The following CDH4 variants were observed in gnomAD, a reference collection of about 807,000 sequenced individuals.
The protein encoded by CDH4 is cadherin 4.
Under a neutral mutation model 86.0 loss-of-function variants are expected in CDH4, and 33 were observed. That is an observed-to-expected ratio of 0.38 (90% CI 0.29 to 0.51). The LOEUF is 0.51. CDH4 is among the 20% of genes least tolerant of loss of function. The probability of loss-of-function intolerance (pLI) is 0.86; values close to 1 mark genes in which losing one functional copy is unlikely to be tolerated. For synonymous variants in CDH4, 555 were observed against 549.4 expected (o/e 1.01, Z -0.14); for missense variants, 1,114 against 1,307.4 (o/e 0.85, Z 2.28).
At chr20:61,615,986 C>G (rs1032298074) in intron 2 of CDH4, among the ~76,000 whole-genome samples, 1 of 152,338 alleles carries the variant, frequency 6.6e-6, no homozygotes, top group African/African-American at 2.4e-5. Flanking sequence ...GAAGGCCACG[C>G]GATGGCCACG....
intron 2 of CDH4, among the ~76,000 whole-genome samples, chr20:61,656,017 A>G (rs2087183627): frequency 6.6e-6 from 1 of 152,236 alleles, no homozygotes; most frequent in South Asian, 2.1e-4. Flanking sequence ...CCCAGACCAC[A>G]TGAAGCCACA....
At chr20:61,592,698 G>C (rs772213855) in intron 2 of CDH4, among the ~76,000 whole-genome samples, 1 of 152,028 alleles carries the variant, frequency 6.6e-6, no homozygotes, top group Non-Finnish European at 1.5e-5. Context: ...TTGCCTTTTC[G>C]GGATACCCTA....
At chr20:61,572,273 A>G (rs1342330789) in intron 2 of CDH4, among the ~76,000 whole-genome samples, 1 of 152,232 alleles carries the variant, frequency 6.6e-6, no homozygotes, top group Non-Finnish European at 1.5e-5. Context: ...CTAATCATAG[A>G]TAGATAATAC....
intron 3 of CDH4, among the ~76,000 whole-genome samples, chr20:61,761,003 C>T (rs1398780276): frequency 6.6e-6 from 1 of 152,180 alleles, no homozygotes. Context: ...CCATCCTTAG[C>T]TACCATGGAA....
At chr20:61,443,982 G>T (rs1229553542) in intron 2 of CDH4, among the ~76,000 whole-genome samples, 1 of 150,618 alleles carries the variant, frequency 6.6e-6, no homozygotes, top group African/African-American at 2.4e-5. Flanking sequence ...GTGTGTGATT[G>T]TGCGTATCTG....
intron 3 of CDH4, among the ~76,000 whole-genome samples, chr20:61,767,623 G>T (rs1426982226): frequency 2.6e-5 from 4 of 152,214 alleles, no homozygotes; most frequent in Admixed American, 6.5e-5. Flanking sequence ...GGCGCTTTGG[G>T]CCGCTCCTGC....
intron 4 of CDH4, among the ~76,000 whole-genome samples, chr20:61,827,444 A>G (rs1278454657): frequency 1.3e-5 from 2 of 152,252 alleles, no homozygotes; most frequent in Non-Finnish European, 2.9e-5. Context: ...AAGCAAATGA[A>G]TAAGTATTGA....
intron 2 of CDH4, among the ~76,000 whole-genome samples, chr20:61,697,013 A>G (rs1568761752): frequency 6.6e-6 from 1 of 152,182 alleles, no homozygotes; most frequent in Non-Finnish European, 1.5e-5. Flanking sequence ...CAGGGGCTGG[A>G]AGAGGCTGGA....
chr20:61,254,576 C>A (rs901207692), intron 1 of CDH4, among the ~76,000 whole-genome samples: 2 of 152,300 alleles, frequency 1.3e-5, no homozygotes, highest in South Asian at 2.1e-4. Flanking sequence ...CCCAACAGTC[C>A]GTCCTTCACT....
chr20:61,420,764 T>C (rs1014904977), intron 2 of CDH4, among the ~76,000 whole-genome samples: 2 of 151,856 alleles, frequency 1.3e-5, no homozygotes, highest in Admixed American at 1.3e-4. Flanking sequence ...GGGAATAAGG[T>C]CAGGAGTGAC....
rs370153331 is a variant in CDH4, at chr20:61,431,423, A to C, written c.169+176486A>C. Among the ~76,000 whole-genome samples, 10 of 144,076 alleles carry C rather than the reference A, an allele frequency of 6.9e-5. No homozygotes were observed. The East Asian group carries it at 1.2e-3, about 17-fold the overall frequency. 94.5% of individuals were successfully genotyped at this position (144,076 alleles called of 152,430 possible). A position where few individuals can be genotyped will look rare whatever the true frequency, so the allele number is the denominator to read the frequency against. On this transcript the variant is annotated intron_variant, in intron 2 of 15. Coordinates refer to ENST00000614565, the MANE Select transcript of CDH4 (RefSeq NM_001794.5). ...TGCCCAGGCTGGAGTGTAGTTTTGC[A>C]ATCATGGCTCACTGCAGCCTCGACC... is the stretch of plus-strand genomic sequence containing the variant.
rs975920176 is a variant in CDH4, at chr20:61,839,995, G to A, written c.577-4673G>A. Among the ~76,000 whole-genome samples the A allele has an allele frequency of 5.9e-5, 9 of 151,980 alleles. No individual in the cohort carries two copies. The South Asian group carries it at 6.2e-4, about 11-fold the overall frequency. On this transcript the variant is annotated intron_variant, in intron 4 of 15. Coordinates refer to ENST00000614565, the MANE Select transcript of CDH4 (RefSeq NM_001794.5). ...CAGAGCTGTGTGAGGCAGTGGTCAG[G>A]ACCAAACTGACTCACTCTGACCCTG... is the stretch of plus-strand genomic sequence containing the variant.
At chr20:61,573,529 T>C (rs541900694) in intron 2 of CDH4, among the ~76,000 whole-genome samples, 54 of 152,256 alleles carry the variant, frequency 3.5e-4, no homozygotes, top group African/African-American at 1.1e-3. Context: ...GGTCCTTGGG[T>C]CCCTGTTGGC....
In CDH4 at chr20:61,879,796, G is replaced by A. The variant is rs979203878; in HGVS notation, c.1050+5896G>A. On this transcript the variant is annotated intron_variant, in intron 7 of 15. Transcript: ENST00000614565. This position sits in a 1 kb window ranked among gnomAD's most constrained non-coding sequence, Gnocchi z 4.1. Reference sequence around the variant, plus strand: ...ATTGTTGGGCAGTGAAATTAGCACCGGGCCAGCATTGTTCTCAGCGTCCCT... The same window carrying A: ...ATTGTTGGGCAGTGAAATTAGCACCAGGCCAGCATTGTTCTCAGCGTCCCT... Among the ~76,000 whole-genome samples the A allele has an allele frequency of 1.9e-4, 29 of 152,174 alleles. No individual in the cohort carries two copies. Among genetic ancestry groups the A allele is most frequent in the African/African-American group, 6.0e-4 (25 of 41,450 alleles).
chr20:61,446,426 T>G (rs1380076847), intron 2 of CDH4, among the ~76,000 whole-genome samples: 3 of 152,248 alleles, frequency 2.0e-5, no homozygotes, highest in Non-Finnish European at 4.4e-5. Flanking sequence ...AAATAAGATC[T>G]AGCGTCATAC....
At chr20:61,622,265 A>G (rs1416768700) in intron 2 of CDH4, among the ~76,000 whole-genome samples, 3 of 152,252 alleles carry the variant, frequency 2.0e-5, no homozygotes, top group Non-Finnish European at 2.9e-5. Context: ...GTGCTTATGG[A>G]AAGGACCTAG....
chr20:61,637,849 C>G (rs1367539657), intron 2 of CDH4, among the ~76,000 whole-genome samples: 2 of 151,922 alleles, frequency 1.3e-5, no homozygotes, highest in African/African-American at 4.8e-5. Context: ...GGTGAAACCC[C>G]ATCTCTACTA....
chr20:61,654,260 C>CAA (rs201180708), intron 2 of CDH4, among the ~76,000 whole-genome samples: 3 of 152,094 alleles, frequency 2.0e-5, no homozygotes, highest in Non-Finnish European at 1.5e-5. Flanking sequence ...CCGTCTCCAC[C>CAA]AAAAAAACAT....
chr20:61,349,985 A>G (rs66538845), intron 2 of CDH4, among the ~76,000 whole-genome samples: 38,814 of 151,782 alleles, frequency 0.26, 5,103 homozygotes, highest in South Asian at 0.35. Flanking sequence ...GCCCCTGCCC[A>G]CTGGGACAGT....
Sources: allele counts gnomAD v4.1 joint callset (sites outside exome capture counted in the v4.1 genomes callset), GRCh38; gene constraint gnomAD v4.1.1; non-coding constraint Gnocchi (gnomAD v3.1); transcripts MANE v1.5; gene names NCBI Gene and HGNC (gene_info 2026-07-23, HGNC 2026-07-21).